The following SAMMSON variants were observed in gnomAD, a reference collection of about 807,000 sequenced individuals.
SAMMSON encodes the protein long intergenic non-protein coding RNA 1212.
intron 3 of SAMMSON, among the ~76,000 whole-genome samples, chr3:70,024,350 CATT>C (rs1303556735): frequency 6.6e-6 from 1 of 152,148 alleles, no homozygotes; most frequent in Admixed American, 6.5e-5. Flanking sequence ...ACAAATTAAA[CATT>C]AGGCAGACAT....
intron 4 of SAMMSON, among the ~76,000 whole-genome samples, chr3:70,149,245 G>A (rs2067561850): frequency 1.3e-5 from 2 of 152,096 alleles, no homozygotes; most frequent in Non-Finnish European, 2.9e-5. Flanking sequence ...AAAGCTGTTA[G>A]TCTCTTTATA....
intron 6 of SAMMSON, among the ~76,000 whole-genome samples, chr3:70,267,394 C>CTT (rs9310185): frequency 6.7e-5 from 5 of 74,850 alleles, no homozygotes; most frequent in East Asian, 4.9e-4. Context: ...TTTTTAATAG[C>CTT]TTTTTTTTTT....
At position 70,371,665 on chromosome 3, in the gene SAMMSON, AT is replaced by A. The variant is rs368053176; in HGVS notation, n.913+13348del. Among the ~76,000 whole-genome samples the A allele has an allele frequency of 7.2e-5, 11 of 151,754 alleles. No individual in the cohort carries two copies. The East Asian group carries it at 7.7e-4, about 11-fold the overall frequency. ...TTATTGTTGTGTAGAAATGCTATTG[AT>A]TTTTTTCATATTTATTTGTGTCCTG... On this transcript the variant is annotated intron_variant and non_coding_transcript_variant, in intron 9 of 9. Coordinates refer to ENST00000642114, the Ensembl canonical transcript of SAMMSON.
downstream of SAMMSON, among the ~76,000 whole-genome samples, chr3:70,392,715 T>C (rs1474083384): frequency 1.3e-5 from 2 of 152,076 alleles, no homozygotes; most frequent in Non-Finnish European, 2.9e-5. Flanking sequence ...GGCATCCCCA[T>C]CTATAAAGTA....
chr3:70,321,562 A>C (rs1254547169), intron 7 of SAMMSON, among the ~76,000 whole-genome samples: 2 of 152,116 alleles, frequency 1.3e-5, no homozygotes, highest in Non-Finnish European at 2.9e-5. Flanking sequence ...ATAAGTTTGT[A>C]ATTTTATGTT....
At chr3:70,256,028 G>A (rs755862085) in intron 6 of SAMMSON, among the ~76,000 whole-genome samples, 7 of 152,264 alleles carry the variant, frequency 4.6e-5, no homozygotes, top group East Asian at 3.9e-4. Flanking sequence ...AGGTGTAATA[G>A]TACCACCCCA....
intron 2 of SAMMSON, among the ~76,000 whole-genome samples, chr3:70,428,174 T>C (rs548678503): frequency 6.6e-6 from 1 of 152,288 alleles, no homozygotes; most frequent in East Asian, 1.9e-4. Flanking sequence ...ATCAATTCTC[T>C]CCAAATTGAT....
At chr3:70,130,594 A>G (rs561699238) in intron 4 of SAMMSON, among the ~76,000 whole-genome samples, 1 of 152,092 alleles carries the variant, frequency 6.6e-6, no homozygotes, top group East Asian at 1.9e-4. Flanking sequence ...TAGCACATCA[A>G]AGGTGATGTG....
chr3:70,008,078 A>G (rs1020441676), intron 1 of SAMMSON, among the ~76,000 whole-genome samples: 25 of 152,080 alleles, frequency 1.6e-4, no homozygotes, highest in South Asian at 8.3e-4. Context: ...GTCAGGTAGC[A>G]TGATGCCTCC....
At chr3:70,100,756 C>T (rs2067342271) in intron 4 of SAMMSON, among the ~76,000 whole-genome samples, 1 of 152,022 alleles carries the variant, frequency 6.6e-6, no homozygotes, top group Non-Finnish European at 1.5e-5. Context: ...GGATCTAGCC[C>T]AACTAAGGGG....
chr3:70,006,048 T>A (rs2066925153), intron 1 of SAMMSON, among the ~76,000 whole-genome samples: 1 of 152,196 alleles, frequency 6.6e-6, no homozygotes, highest in South Asian at 2.1e-4. Flanking sequence ...ACAGAGCTGA[T>A]TTTATCGATT....
At chr3:70,240,350 T>C (rs1377890610) in intron 4 of SAMMSON, among the ~76,000 whole-genome samples, 1 of 152,008 alleles carries the variant, frequency 6.6e-6, no homozygotes, top group Non-Finnish European at 1.5e-5. Flanking sequence ...TTTTTTTTAA[T>C]CTCTCCACTT....
At chr3:70,117,635 T>A (rs2067416783) in intron 4 of SAMMSON, among the ~76,000 whole-genome samples, 1 of 152,198 alleles carries the variant, frequency 6.6e-6, no homozygotes, top group Admixed American at 6.5e-5. Context: ...GGCCTCAGTA[T>A]AACCCCCTGA....
At chr3:70,008,509 A>G (rs2066939669) in intron 1 of SAMMSON, among the ~76,000 whole-genome samples, 1 of 152,198 alleles carries the variant, frequency 6.6e-6, no homozygotes, top group Non-Finnish European at 1.5e-5. Flanking sequence ...ACTTTGCTGA[A>G]GTTGCCTATC....
At chr3:70,269,727 CTG>C (rs34895407) in intron 6 of SAMMSON, among the ~76,000 whole-genome samples, 5,747 of 152,184 alleles carry the variant, frequency 0.038, 335 homozygotes, top group African/African-American at 0.13. Flanking sequence ...AATGACAAAA[CTG>C]TTTTAAAAAA....
At chr3:70,256,221 G>C (rs1029112016) in intron 6 of SAMMSON, among the ~76,000 whole-genome samples, 4 of 152,072 alleles carry the variant, frequency 2.6e-5, no homozygotes, top group Admixed American at 6.5e-5. Flanking sequence ...TAAAGTTTTT[G>C]TTTCTAATAA....
chr3:70,136,542 G>A (rs1295700963), intron 4 of SAMMSON, among the ~76,000 whole-genome samples: 2 of 152,218 alleles, frequency 1.3e-5, no homozygotes, highest in Non-Finnish European at 2.9e-5. Flanking sequence ...CTGTGAGCCA[G>A]AACCAACAGC....
chr3:70,095,838 G>C (rs2106650583), intron 4 of SAMMSON: 1 of 152,292 alleles, frequency 6.6e-6, no homozygotes, highest in East Asian at 1.9e-4. Context: ...TAGAAGTTCT[G>C]TGGGGTCCAA....
At chr3:70,075,982 G>A (rs1205028164) in intron 4 of SAMMSON, among the ~76,000 whole-genome samples, 1 of 150,408 alleles carries the variant, frequency 6.6e-6, no homozygotes, top group Non-Finnish European at 1.5e-5. Flanking sequence ...GCTTTCTGCT[G>A]TTAAGTAGAA....
Sources: gnomAD v4.1 joint callset for allele counts (sites outside exome capture counted in the v4.1 genomes callset) on GRCh38, gnomAD v4.1.1 for gene constraint, MANE v1.5 for transcripts, NCBI Gene and HGNC (gene_info 2026-07-23, HGNC 2026-07-21) for gene names.